LBH: variants seen among roughly 807,000 people sequenced by gnomAD.
The protein encoded by LBH is protein LBH.
LBH carries 7 observed loss-of-function variants against 12.5 expected under a neutral mutation model. The observed-to-expected ratio is 0.56, with a 90% confidence interval of 0.32 to 1.05. The LOEUF is 1.05. Among genes scored for constraint, LBH ranks in the 50% least tolerant of loss-of-function variants. LBH has a pLI of 0.04. For missense variants in LBH, 119 were observed against 138.9 expected (o/e 0.86, Z 0.72); for synonymous variants, 51 against 50.1 (o/e 1.02, Z -0.08).
chr2:30,256,417 A>T (rs17009304), intron 2 of LBH: 29,426 of 152,246 alleles, frequency 0.19, 3,075 homozygotes, highest in Admixed American at 0.28. Flanking sequence ...CATGCCGTTC[A>T]TCAGGATTTG....
At chr2:30,253,508 A>C (rs536179748) in intron 2 of LBH, among the ~76,000 whole-genome samples, 3 of 152,364 alleles carry the variant, frequency 2.0e-5, no homozygotes, top group Non-Finnish European at 4.4e-5. Flanking sequence ...AACAAACAAA[A>C]AAATTTAAAC....
At chr2:30,241,746 G>C (rs1677794034) in intron 2 of LBH, among the ~76,000 whole-genome samples, 1 of 152,048 alleles carries the variant, frequency 6.6e-6, no homozygotes, top group South Asian at 2.1e-4. Context: ...TTATAGGCAG[G>C]AGCCACCGCG....
At chr2:30,238,124 G>T (rs1268164440) in intron 2 of LBH, among the ~76,000 whole-genome samples, 2 of 152,174 alleles carry the variant, frequency 1.3e-5, no homozygotes, top group Admixed American at 6.5e-5. Context: ...CTGCGACTGG[G>T]TCTCCTTCGA....
chr2:30,243,122 T>A (rs752811639), intron 2 of LBH, among the ~76,000 whole-genome samples: 6 of 152,210 alleles, frequency 3.9e-5, no homozygotes, highest in Non-Finnish European at 8.8e-5. Context: ...TATTTTAAAG[T>A]GTTTAGGAGA....
At chr2:30,232,186 G>A (rs1479265771) in intron 1 of LBH, 31 of 1,493,420 alleles carry the variant, frequency 2.1e-5, no homozygotes, top group Non-Finnish European at 2.6e-5. Context: ...CGTCGAGGCC[G>A]GCAGCAGCGG....
chr2:30,244,018 C>G (rs1224786464), intron 2 of LBH, among the ~76,000 whole-genome samples: 1 of 152,096 alleles, frequency 6.6e-6, no homozygotes, highest in East Asian at 1.9e-4. Context: ...ATACAGACAG[C>G]TTGAAAAATG....
intron 2 of LBH, among the ~76,000 whole-genome samples, chr2:30,253,899 A>G (rs13422834): frequency 0.22 from 32,863 of 152,154 alleles, 4,248 homozygotes; most frequent in Middle Eastern, 0.32. Flanking sequence ...GGAGTTATAC[A>G]ATGGTGGTCA....
intron 2 of LBH, among the ~76,000 whole-genome samples, chr2:30,251,211 G>A (rs887847587): frequency 2.6e-5 from 4 of 151,584 alleles, no homozygotes; most frequent in Non-Finnish European, 5.9e-5. Context: ...TGAGCCACCC[G>A]TGCCTGGCCA....
chr2:30,234,624 G>C, intron 2 of LBH, 117 bp downstream of exon 2: 1 of 677,430 alleles, frequency 1.5e-6, no homozygotes, highest in Non-Finnish European at 2.6e-6. Flanking sequence ...GACTGTGGCA[G>C]AGTCCCCTAA....
chr2:30,246,523 A>G (rs1335395726), intron 2 of LBH, among the ~76,000 whole-genome samples: 1 of 152,234 alleles, frequency 6.6e-6, no homozygotes, highest in Non-Finnish European at 1.5e-5. Flanking sequence ...TATATTTTCC[A>G]AAACAGAAAA....
chr2:30,248,906 G>C (rs1162542764), intron 2 of LBH, among the ~76,000 whole-genome samples: 1 of 152,182 alleles, frequency 6.6e-6, no homozygotes, highest in African/African-American at 2.4e-5. Flanking sequence ...AAGGCTGGAG[G>C]CTTAAGCATC....
At chr2:30,256,219 C>T (rs1177564173) in intron 2 of LBH, among the ~76,000 whole-genome samples, 1 of 152,186 alleles carries the variant, frequency 6.6e-6, no homozygotes. Context: ...GATTTTATAG[C>T]TGGGTTTGGA....
rs919276487 is a variant in LBH at position 30,231,595 on chromosome 2, G to T, written c.-144G>T. On this transcript the variant is annotated 5_prime_UTR_variant, in exon 1 of 3. Coordinates refer to ENST00000395323, the MANE Select transcript of LBH (RefSeq NM_030915.4). ...CCTTGCCGACGTCGCTAGCCGTGGG[G>T]CTGTCCTGGGAAGGCGGACGGCGAG... is the stretch of plus-strand genomic sequence containing the variant. 3 of 744,658 alleles carry T rather than the reference G, an allele frequency of 4.0e-6. No homozygotes were observed. Among genetic ancestry groups the T allele is most frequent in the East Asian group, 3.0e-5 (1 of 32,870 alleles). 46.1% of individuals were successfully genotyped at this position (744,658 alleles called of 1,614,324 possible).
Position 30,256,030 on chromosome 2 carries a change from C to T in LBH, c.130-1403C>T, listed in dbSNP as rs545637556. Among the ~76,000 whole-genome samples, 11 of 152,292 alleles carry T rather than the reference C, an allele frequency of 7.2e-5. No individual in the cohort carries two copies. In the South Asian group the frequency reaches 2.3e-3, roughly 32 times the overall value. ...GGTGCCAAGTGCCTGATTCTGGGAG[C>T]CCAGCATCCCAGACAGAGGCTTCTC... On this transcript the variant is annotated intron_variant, in intron 2 of 2. Transcript: ENST00000395323.
chr2:30,247,253 T>C (rs1677887952), intron 2 of LBH, among the ~76,000 whole-genome samples: 1 of 151,936 alleles, frequency 6.6e-6, no homozygotes, highest in African/African-American at 2.4e-5. Context: ...TAGTGTAATG[T>C]TCTGATCATT....
intron 2 of LBH, among the ~76,000 whole-genome samples, chr2:30,248,026 T>C (rs1168062057): frequency 6.6e-6 from 1 of 152,228 alleles, no homozygotes; most frequent in Non-Finnish European, 1.5e-5. Context: ...ATCTTGGCAG[T>C]TGAGCTTGGA....
chr2:30,251,010 AACACTTTAGCC>A (rs1273667833), intron 2 of LBH, among the ~76,000 whole-genome samples: 1 of 151,586 alleles, frequency 6.6e-6, no homozygotes, highest in African/African-American at 2.4e-5. Flanking sequence ...AATAAAAAAT[AACACTTTAGCC>A]ACCATTCTTA....
chr2:30,239,923 C>T (rs1171882508), intron 2 of LBH, among the ~76,000 whole-genome samples: 4 of 152,312 alleles, frequency 2.6e-5, no homozygotes, highest in Middle Eastern at 3.4e-3. Flanking sequence ...CCCCATAAGC[C>T]CCCTGGTCAC....
At chr2:30,233,662 A>G (rs1478780538) in intron 1 of LBH, among the ~76,000 whole-genome samples, 4 of 152,230 alleles carry the variant, frequency 2.6e-5, no homozygotes. Context: ...GCACTTTCAC[A>G]TGTCAGCCAT....
Sources: gnomAD v4.1 joint callset for allele counts (sites outside exome capture counted in the v4.1 genomes callset) on GRCh38, gnomAD v4.1.1 for gene constraint, MANE v1.5 for transcripts, NCBI Gene and HGNC (gene_info 2026-07-23, HGNC 2026-07-21) for gene names.